REPS2: variants seen among roughly 807,000 people sequenced by gnomAD.
The protein encoded by REPS2 is RALBP1 associated Eps domain containing 2, also known as ralBP1-associated Eps domain-containing protein 2.
A neutral mutation model predicts 53.6 loss-of-function variants in REPS2; 23 were observed. The observed-to-expected ratio is 0.43, with a 90% CI of 0.31 to 0.61. The LOEUF is 0.61. REPS2 is among the 20% of genes least tolerant of loss of function. REPS2 has a pLI of 0.11. For missense variants in REPS2, 446 were observed against 534.9 expected, an observed-to-expected ratio of 0.83 and a Z score of 1.64; for synonymous variants, 238 against 218.6, an observed-to-expected ratio of 1.09 and a Z score of -0.78.
chrX:17,063,391 G>A (rs2062182680), intron 9 of REPS2, among the ~76,000 whole-genome samples: 1 of 111,588 alleles, frequency 9.0e-6, no homozygotes, highest in Admixed American at 9.5e-5. Flanking sequence ...AATTTCTTGT[G>A]ACTGTGCATG....
chrX:17,094,079 C>A (rs1471269163), intron 13 of REPS2, among the ~76,000 whole-genome samples: 1 of 111,934 alleles, frequency 8.9e-6, no homozygotes, highest in African/African-American at 3.2e-5. Flanking sequence ...CTGTGTCTTT[C>A]TCTTTCTTTG....
chrX:16,965,148 C>T (rs1360712553), intron 1 of REPS2, among the ~76,000 whole-genome samples: 1 of 93,225 alleles, frequency 1.1e-5, no homozygotes, highest in African/African-American at 4.1e-5. Flanking sequence ...GCTGACCCCC[C>T]CACCTCCCTC....
intron 2 of REPS2, among the ~76,000 whole-genome samples, chrX:17,012,918 A>ATTTT (rs1428580398): frequency 9.0e-6 from 1 of 111,556 alleles, no homozygotes; most frequent in East Asian, 2.8e-4. Context: ...GATTTTTCCT[A>ATTTT]TTTTGTGAAA....
intron 2 of REPS2, among the ~76,000 whole-genome samples, chrX:17,020,990 A>T (rs1164358910): frequency 8.9e-6 from 1 of 112,110 alleles, no homozygotes; most frequent in South Asian, 3.7e-4. Flanking sequence ...CATCATGTGG[A>T]TGTTAGAGAA....
chrX:17,063,779 G>T (rs980656159), intron 9 of REPS2, among the ~76,000 whole-genome samples: 6 of 111,120 alleles, frequency 5.4e-5, no homozygotes, highest in African/African-American at 2.0e-4. Context: ...TATCAAGCCA[G>T]GATGGATACA....
intron 15 of REPS2, 133 bp downstream of exon 15, chrX:17,134,040 A>G: frequency 1.9e-6 from 1 of 517,549 alleles, no homozygotes. Flanking sequence ...ATTTCCTAGA[A>G]TGTGGGTTCT....
chrX:17,071,012 C>T (rs993368652), intron 11 of REPS2, among the ~76,000 whole-genome samples: 2 of 111,527 alleles, frequency 1.8e-5, no homozygotes, highest in Non-Finnish European at 3.8e-5. Flanking sequence ...AGGCAGCTCC[C>T]CAGTTGGTTC....
the REPS2 span, among the ~76,000 whole-genome samples, chrX:17,165,120 A>G: frequency 9.0e-6 from 1 of 111,574 alleles, no homozygotes; most frequent in African/African-American, 3.3e-5. Flanking sequence ...ACTTGTCATT[A>G]TTTTCATAGA....
At chrX:17,186,967 C>T in the REPS2 span, among the ~76,000 whole-genome samples, 1 of 111,191 alleles carries the variant, frequency 9.0e-6, no homozygotes, top group Non-Finnish European at 1.9e-5. Context: ...AAAAAAACTA[C>T]ATATTGGGTA....
At chrX:17,054,630 A>G (rs1436798884) in intron 7 of REPS2, among the ~76,000 whole-genome samples, 178 bp from the exon 8 acceptor site, 3 of 112,161 alleles carry the variant, frequency 2.7e-5, no homozygotes, top group African/African-American at 6.5e-5. Flanking sequence ...GATCCCATCA[A>G]TCGGCATTTT....
intron 16 of REPS2, 144 bp from the exon 17 acceptor site, chrX:17,138,712 G>A (rs751331993): frequency 2.7e-4 from 88 of 330,993 alleles, no homozygotes; most frequent in Admixed American, 1.3e-3. Flanking sequence ...CTTCCTGACC[G>A]CCTGTGAATA....
At chrX:17,170,526 A>G in the REPS2 span, among the ~76,000 whole-genome samples, 3 of 112,464 alleles carry the variant, frequency 2.7e-5, no homozygotes, top group Non-Finnish European at 3.8e-5. Context: ...CTTTTAAAGG[A>G]TAATGGTAAT....
chrX:17,056,643 C>T (rs1367968808), intron 8 of REPS2, among the ~76,000 whole-genome samples: 2 of 109,297 alleles, frequency 1.8e-5, no homozygotes, highest in South Asian at 4.0e-4. Flanking sequence ...TGCAGTGAGC[C>T]GAGATCGCGC....
intron 17 of REPS2, among the ~76,000 whole-genome samples, chrX:17,147,130 C>G (rs1272514125): frequency 2.7e-5 from 3 of 111,690 alleles, no homozygotes; most frequent in Non-Finnish European, 5.6e-5. Context: ...AGCTACTGAT[C>G]TTGTCAAAAC....
chrX:17,174,056 A>G, the REPS2 span, among the ~76,000 whole-genome samples: 1 of 110,848 alleles, frequency 9.0e-6, no homozygotes, highest in African/African-American at 3.3e-5. Flanking sequence ...AAAAGAATTG[A>G]GTTACTTCAT....
intron 14 of REPS2, among the ~76,000 whole-genome samples, chrX:17,122,836 G>A (rs184156222): frequency 8.9e-6 from 1 of 111,871 alleles, no homozygotes; most frequent in Non-Finnish European, 1.9e-5. Context: ...AACCCAAAAG[G>A]GGACATTTAT....
At chrX:17,113,943 T>G (rs937688511) in intron 14 of REPS2, among the ~76,000 whole-genome samples, 2 of 112,318 alleles carry the variant, frequency 1.8e-5, no homozygotes, top group Non-Finnish European at 3.8e-5. Flanking sequence ...CACCTTAATA[T>G]CTAGGAAGAA....
intron 1 of REPS2, among the ~76,000 whole-genome samples, chrX:17,002,717 T>C (rs1162073183): frequency 8.9e-6 from 1 of 111,879 alleles, no homozygotes; most frequent in African/African-American, 3.3e-5. Flanking sequence ...GGGGCTGTGC[T>C]GAGTAGGAGG....
intron 7 of REPS2, among the ~76,000 whole-genome samples, chrX:17,054,132 T>C (rs1390778463): frequency 3.6e-5 from 4 of 112,102 alleles, no homozygotes; most frequent in African/African-American, 1.3e-4. Flanking sequence ...AAATAATGAC[T>C]GAAGTTAAGC....
Sources: allele counts gnomAD v4.1 joint callset (sites outside exome capture counted in the v4.1 genomes callset), GRCh38; gene constraint gnomAD v4.1.1; transcripts MANE v1.5; gene names NCBI Gene and HGNC (gene_info 2026-07-23, HGNC 2026-07-21).